NCKAP5: variants seen among roughly 807,000 people sequenced by gnomAD.
NCKAP5 encodes NCK associated protein 5.
Under a neutral mutation model 167.0 loss-of-function variants are expected in NCKAP5, and 92 were observed. The ratio of observed to expected loss-of-function variants is 0.55; its 90% CI spans 0.47 to 0.66. The LOEUF (loss-of-function observed/expected upper bound fraction) is 0.66, where lower values mean the gene tolerates loss of function less well. NCKAP5 is among the 30% of genes least tolerant of loss of function. The pLI is 0.00. For missense variants in NCKAP5, 2,378 were observed against 2,315.0 expected (o/e 1.03, Z -0.56); for synonymous variants, 891 against 877.4 (o/e 1.02, Z -0.27).
chr2:132,946,274 T>TG (rs1278597806), intron 8 of NCKAP5, among the ~76,000 whole-genome samples: 2 of 152,164 alleles, frequency 1.3e-5, no homozygotes, highest in Non-Finnish European at 2.9e-5. Context: ...GGCTGTCCTC[T>TG]GGTAGAGCCA....
At chr2:132,862,186 C>A (rs950046406) in intron 10 of NCKAP5, among the ~76,000 whole-genome samples, 9 of 152,194 alleles carry the variant, frequency 5.9e-5, no homozygotes, top group African/African-American at 2.2e-4. Flanking sequence ...CCTGCCATAA[C>A]CTTGTATGAA....
intron 6 of NCKAP5, among the ~76,000 whole-genome samples, chr2:133,039,910 C>A (rs1279578961): frequency 6.6e-6 from 1 of 152,084 alleles, no homozygotes; most frequent in African/African-American, 2.4e-5. Flanking sequence ...TATTAATGAA[C>A]CATAAAGTGA....
chr2:133,364,435 CTT>C (rs1307704091), intron 3 of NCKAP5, among the ~76,000 whole-genome samples: 1 of 152,082 alleles, frequency 6.6e-6, no homozygotes, highest in Non-Finnish European at 1.5e-5. Context: ...ACAGAATTCT[CTT>C]TATATCTCCC....
At chr2:132,856,456 CT>C (rs148856655) in intron 11 of NCKAP5, among the ~76,000 whole-genome samples, 2 of 152,224 alleles carry the variant, frequency 1.3e-5, no homozygotes, top group East Asian at 3.9e-4. Context: ...ATTTTTGCAC[CT>C]TGGTTCTAAG....
At chr2:133,397,032 C>T (rs1310813136) in intron 3 of NCKAP5, among the ~76,000 whole-genome samples, 1 of 152,220 alleles carries the variant, frequency 6.6e-6, no homozygotes, top group Non-Finnish European at 1.5e-5. Context: ...GACCTTTGCA[C>T]ATTACACCCA....
At chr2:133,240,603 A>T (rs2087649261) in intron 4 of NCKAP5, among the ~76,000 whole-genome samples, 1 of 152,198 alleles carries the variant, frequency 6.6e-6, no homozygotes, top group South Asian at 2.1e-4. Context: ...TGGAAATGAA[A>T]TTTCAGCCTC....
At chr2:133,342,186 G>A (rs946109546) in intron 3 of NCKAP5, among the ~76,000 whole-genome samples, 5 of 152,214 alleles carry the variant, frequency 3.3e-5, no homozygotes, top group African/African-American at 7.2e-5. Context: ...TGATCCGCCC[G>A]CCTCGGCCTC....
intron 4 of NCKAP5, among the ~76,000 whole-genome samples, chr2:133,247,598 AC>A (rs1377798632): frequency 6.6e-6 from 1 of 152,334 alleles, no homozygotes; most frequent in Non-Finnish European, 1.5e-5. Context: ...TTATTGTGGG[AC>A]AACATCCATG....
chr2:133,583,582 G>A, the NCKAP5 span, among the ~76,000 whole-genome samples: 1 of 152,226 alleles, frequency 6.6e-6, no homozygotes, highest in South Asian at 2.1e-4. Context: ...ATATAAGGAA[G>A]TTCTCTATCA....
intron 8 of NCKAP5, among the ~76,000 whole-genome samples, chr2:132,949,439 C>T (rs1325374727): frequency 6.6e-6 from 1 of 152,150 alleles, no homozygotes; most frequent in African/African-American, 2.4e-5. Flanking sequence ...TGAAATCATT[C>T]AAACTGCCAA....
intron 3 of NCKAP5, among the ~76,000 whole-genome samples, chr2:133,362,450 GTGTT>G (rs373742807): frequency 1.6e-4 from 25 of 152,252 alleles, no homozygotes; most frequent in Middle Eastern, 3.4e-3. Context: ...ACAGAAAAAT[GTGTT>G]TGTTTGTTTT....
chr2:133,390,948 T>G (rs1179615684), intron 3 of NCKAP5, among the ~76,000 whole-genome samples: 2 of 152,238 alleles, frequency 1.3e-5, no homozygotes, highest in Non-Finnish European at 2.9e-5. Context: ...GGTAATATAC[T>G]CATTTTTATG....
At chr2:132,776,482 G>GA (rs2104980617) in intron 15 of NCKAP5, among the ~76,000 whole-genome samples, 1 of 152,290 alleles carries the variant, frequency 6.6e-6, no homozygotes, top group East Asian at 1.9e-4. Context: ...CTTATGAGAA[G>GA]AACTGAGATG....
chr2:133,076,850 AG>A (rs2080622207), intron 6 of NCKAP5, among the ~76,000 whole-genome samples: 1 of 152,174 alleles, frequency 6.6e-6, no homozygotes, highest in South Asian at 2.1e-4. Flanking sequence ...CCTTTCTGGA[AG>A]TTACATCAAC....
At chr2:133,605,226 G>A in the NCKAP5 span, among the ~76,000 whole-genome samples, 6 of 152,034 alleles carry the variant, frequency 3.9e-5, no homozygotes, top group Non-Finnish European at 5.9e-5. Flanking sequence ...CTCATATAAC[G>A]GCCTCCTTGC....
intron 8 of NCKAP5, 72 bp from the exon 9 acceptor site, chr2:132,878,988 A>C: frequency 8.3e-7 from 1 of 1,200,902 alleles, no homozygotes; most frequent in Non-Finnish European, 1.2e-6. Context: ...TATTCCATAC[A>C]GTTACTAAAT....
intron 19 of NCKAP5, among the ~76,000 whole-genome samples, chr2:132,704,632 T>G (rs1417522336): frequency 6.6e-6 from 1 of 152,212 alleles, no homozygotes; most frequent in Non-Finnish European, 1.5e-5. Context: ...CTACCATCCA[T>G]TGAGTCTACC....
chr2:133,273,711 T>A (rs941601451), intron 4 of NCKAP5, among the ~76,000 whole-genome samples: 2 of 151,878 alleles, frequency 1.3e-5, no homozygotes, highest in African/African-American at 4.8e-5. Context: ...GTAGTAATAA[T>A]AATGGTTATA....
At chr2:132,929,172 G>T (rs1178851929) in intron 8 of NCKAP5, among the ~76,000 whole-genome samples, 1 of 152,050 alleles carries the variant, frequency 6.6e-6, no homozygotes, top group Non-Finnish European at 1.5e-5. Context: ...CACAGAATCT[G>T]CCAGCACGTT....
Sources: gnomAD v4.1 joint callset for allele counts (sites outside exome capture counted in the v4.1 genomes callset) on GRCh38, gnomAD v4.1.1 for gene constraint, MANE v1.5 for transcripts, NCBI Gene and HGNC (gene_info 2026-07-23, HGNC 2026-07-21) for gene names.